ODF2: variants seen among roughly 807,000 people sequenced by gnomAD.
ODF2 encodes outer dense fiber of sperm tails 2.
Under a neutral mutation model 110.2 loss-of-function variants are expected in ODF2, and 47 were observed. The observed-to-expected ratio is 0.43, with a 90% CI of 0.34 to 0.54. The LOEUF is 0.54. Among genes scored for constraint, ODF2 ranks in the 20% least tolerant of loss-of-function variants. The probability of loss-of-function intolerance (pLI) is 0.03; values close to 1 mark genes in which losing one functional copy is unlikely to be tolerated. For missense variants in ODF2, 812 were observed against 1,054.5 expected, an observed-to-expected ratio of 0.77 and a Z score of 3.19; for synonymous variants, 352 against 397.7, an observed-to-expected ratio of 0.89 and a Z score of 1.37.
chr9:128,471,209 C>A, intron 5 of ODF2, 99 bp from the exon 6 acceptor site: 1 of 1,281,736 alleles, frequency 7.8e-7, no homozygotes, highest in Non-Finnish European at 1.1e-6. Context: ...CCACCACGCC[C>A]GGCCGGGGCC....
chr9:128,491,478 TA>T (rs1229284793), intron 14 of ODF2, among the ~76,000 whole-genome samples: 2 of 151,718 alleles, frequency 1.3e-5, no homozygotes, highest in African/African-American at 4.8e-5. Flanking sequence ...GCCAACATGG[TA>T]AAACCCCATC....
chr9:128,462,115 C>G (rs1836626072), intron 4 of ODF2, among the ~76,000 whole-genome samples: 1 of 151,478 alleles, frequency 6.6e-6, no homozygotes, highest in East Asian at 1.9e-4. Context: ...CAACTATCTC[C>G]TGCCAGCAAG....
At chr9:128,496,218 G>C (rs758450070) in intron 18 of ODF2, 77 bp downstream of exon 18, 1 of 1,596,626 alleles carries the variant, frequency 6.3e-7, no homozygotes, top group Non-Finnish European at 8.5e-7. Flanking sequence ...TTTTTGCTTA[G>C]TGTGCGGAAG....
At chr9:128,488,979 C>T (rs543195721) in intron 14 of ODF2, among the ~76,000 whole-genome samples, 1 of 152,238 alleles carries the variant, frequency 6.6e-6, no homozygotes, top group South Asian at 2.1e-4. Flanking sequence ...TGCACTCCAG[C>T]CTGGGCAACA....
In ODF2 at chr9:128,473,160, G is replaced by T. The variant is rs1201101370; in HGVS notation, c.711+118G>T. On this transcript the variant is annotated intron_variant, in intron 7 of 20. Coordinates refer to ENST00000604420, the Ensembl canonical transcript of ODF2. ...ACTTTATGACATCTTCAGGCTGGGG[G>T]AGAGCACGCTTAACTAGGCCCCCAC... 2.0e-6 allele frequency: 3 copies of T among 1,503,708 alleles called. No homozygotes were observed. The African/African-American group carries it at 4.1e-5, about 21-fold the overall frequency. The allele number at this position is 1,503,708 out of a possible 1,614,324, so 93.1% of individuals were successfully genotyped here. A position where few individuals can be genotyped will look rare whatever the true frequency, so the allele number is the denominator to read the frequency against.
exon 3 of ODF2, chr9:128,459,632 G>C (rs755608373): frequency 6.2e-7 from 1 of 1,613,960 alleles, no homozygotes; most frequent in Non-Finnish European, 8.5e-7. Flanking sequence ...AGAGCACCTT[G>C]TGGCGCACCC....
intron 2 of ODF2, among the ~76,000 whole-genome samples, chr9:128,458,077 A>G (rs1274298561): frequency 3.9e-5 from 6 of 152,042 alleles, no homozygotes; most frequent in African/African-American, 7.2e-5. Context: ...TAAAGAGGGC[A>G]AGATGATAAT....
intron 4 of ODF2, among the ~76,000 whole-genome samples, chr9:128,462,233 C>T (rs1836664693): frequency 6.6e-6 from 1 of 151,086 alleles, no homozygotes; most frequent in South Asian, 2.1e-4. Flanking sequence ...CTCACCACAA[C>T]CTCCGCCTCC....
intron 17 of ODF2, among the ~76,000 whole-genome samples, chr9:128,495,780 G>A (rs765086834): frequency 6.6e-6 from 1 of 152,120 alleles, no homozygotes; most frequent in Non-Finnish European, 1.5e-5. Flanking sequence ...TCTCTGAGTG[G>A]CCTCCCCTGA....
At chr9:128,456,164 C>T (rs1032259574) in exon 1 of ODF2, 88 of 1,549,192 alleles carry the variant, frequency 5.7e-5, no homozygotes, top group Non-Finnish European at 7.2e-5. Context: ...AGCCAGACTG[C>T]ATCCGCCGCG....
chr9:128,493,804 A>G (rs1205249495), intron 16 of ODF2, among the ~76,000 whole-genome samples: 1 of 151,676 alleles, frequency 6.6e-6, no homozygotes, highest in Non-Finnish European at 1.5e-5. Context: ...AATTTATTTT[A>G]TTTTTTTTGA....
intron 4 of ODF2, among the ~76,000 whole-genome samples, chr9:128,465,857 G>A (rs1564466408): frequency 6.6e-6 from 1 of 151,700 alleles, no homozygotes; most frequent in East Asian, 1.9e-4. Context: ...GAAAAGTACA[G>A]GCCCAGGAGC....
At chr9:128,490,881 G>A (rs1487465996) in intron 14 of ODF2, among the ~76,000 whole-genome samples, 1 of 151,830 alleles carries the variant, frequency 6.6e-6, no homozygotes, top group African/African-American at 2.4e-5. Flanking sequence ...GATTTATATT[G>A]TCCCATTTAA....
At chr9:128,500,067 G>A in exon 21 of ODF2, 1 of 1,614,210 alleles carries the variant, frequency 6.2e-7, no homozygotes, top group Admixed American at 1.7e-5. Context: ...TCCTCGTTAG[G>A]CGGACCGCCG....
chr9:128,470,820 A>C (rs1417266068), intron 5 of ODF2, among the ~76,000 whole-genome samples: 2 of 152,102 alleles, frequency 1.3e-5, no homozygotes, highest in African/African-American at 2.4e-5. Context: ...CAGGAGAGTC[A>C]GTCTTCATGG....
Position 128,497,481 on chromosome 9 carries a change from A to ATG in ODF2, c.2013-931_2013-930insGT, listed in dbSNP as rs1845852245. 12 of 116,692 alleles carry ATG rather than the reference A, an allele frequency of 1.0e-4. 1 individual carries two copies. The highest frequency in any genetic ancestry group is 1.4e-4 in the Non-Finnish European group (8 of 56,796). 7.2% of individuals were successfully genotyped at this position (116,692 alleles called of 1,614,324 possible). On this transcript the variant is annotated intron_variant, in intron 18 of 20. Coordinates refer to ENST00000604420, the Ensembl canonical transcript of ODF2. ...TATATATATATATATATATATATAT[A>ATG]TATATGTATAAAATTAGCCGGGCGC...
chr9:128,461,980 C>G (rs1335586326), intron 4 of ODF2, among the ~76,000 whole-genome samples: 1 of 152,006 alleles, frequency 6.6e-6, no homozygotes, highest in African/African-American at 2.4e-5. Flanking sequence ...AGACTGCTGC[C>G]TTACATTTTT....
intron 17 of ODF2, among the ~76,000 whole-genome samples, chr9:128,495,404 T>C (rs897554116): frequency 6.6e-6 from 1 of 152,246 alleles, no homozygotes; most frequent in Non-Finnish European, 1.5e-5. Context: ...ATCACAGAGC[T>C]AGTACCTAGT....
At position 128,456,653 on chromosome 9, in the gene ODF2, G is replaced by T. The variant is rs570916261; in HGVS notation, c.-209+398G>T. 2.3e-4 allele frequency: 338 copies of T among 1,475,188 alleles called. 3 individuals are homozygous for T. The South Asian group carries it at 4.2e-3, about 18-fold the overall frequency. The allele number at this position is 1,475,188 out of a possible 1,614,324, so 91.4% of individuals were successfully genotyped here. A position where few individuals can be genotyped will look rare whatever the true frequency, so the allele number is the denominator to read the frequency against. Reference sequence around the variant, plus strand: ...GCCCGTCGGCGGCATCGCCCCGACCGCCTCGTCCTCTCCTCGGGCCTCCAC... The same window carrying T: ...GCCCGTCGGCGGCATCGCCCCGACCTCCTCGTCCTCTCCTCGGGCCTCCAC... On this transcript the variant is annotated intron_variant, in intron 1 of 20. Coordinates refer to ENST00000604420, the Ensembl canonical transcript of ODF2.
Sources: gnomAD v4.1 joint callset for allele counts (sites outside exome capture counted in the v4.1 genomes callset) on GRCh38, gnomAD v4.1.1 for gene constraint, MANE v1.5 for transcripts, NCBI Gene and HGNC (gene_info 2026-07-23, HGNC 2026-07-21) for gene names.